ZNF675: variants seen among roughly 807,000 people sequenced by gnomAD.
The protein encoded by ZNF675 is zinc finger protein 675.
ZNF675 carries 36 observed loss-of-function variants against 56.1 expected under a neutral mutation model. The ratio of observed to expected loss-of-function variants is 0.64; its 90% CI spans 0.49 to 0.85. The LOEUF (loss-of-function observed/expected upper bound fraction) is 0.85. Among genes scored for constraint, ZNF675 ranks in the 40% least tolerant of loss-of-function variants. The pLI, the probability that ZNF675 is intolerant of heterozygous loss-of-function variation, is 0.00. For synonymous variants in ZNF675, 200 were observed against 218.9 expected (o/e 0.91, Z 0.76); for missense variants, 663 against 654.2 (o/e 1.01, Z -0.15).
rs763357575 is a variant in ZNF675 at position 23,654,468 on chromosome 19, T to A, written c.465A>T (p.Lys155Asn). Reference protein sequence around the residue: ...QCDKYVKVFNKFSHSDRHKIK... With the variant: ...QCDKYVKVFNNFSHSDRHKIK... Reference sequence around the variant, plus strand: ...TCTTATGTCTATCTGAATGTGAAAATTTATTAAAGACTTTCACATATTTAT... The same window carrying A: ...TCTTATGTCTATCTGAATGTGAAAAATTATTAAAGACTTTCACATATTTAT... The change falls in exon 4 of 4, where the codon AAA becomes AAT. Residue 155 changes from lysine to asparagine, a missense_variant. Lys to Asn is a moderately conservative substitution (Grantham distance 94, BLOSUM62 0). Around this residue, in one of 3 missense-constraint regions of ZNF675, gnomAD observed 617 missense variants for 590.5 expected, o/e 1.04. Transcript: ENST00000359788. The A allele has an allele frequency of 6.2e-7, 1 of 1,601,932 alleles. No homozygotes were observed. Among genetic ancestry groups the A allele is most frequent in the Non-Finnish European group, 8.5e-7 (1 of 1,175,582 alleles).
chr19:23,682,025 TC>T, intron 1 of ZNF675, among the ~76,000 whole-genome samples: 1 of 151,748 alleles, frequency 6.6e-6, no homozygotes, highest in Admixed American at 6.6e-5. Context: ...TGGTGCTCTC[TC>T]TTTTCTCACC....
intron 1 of ZNF675, among the ~76,000 whole-genome samples, chr19:23,677,333 G>A (rs1396361129): frequency 6.6e-6 from 1 of 151,682 alleles, no homozygotes; most frequent in Non-Finnish European, 1.5e-5. Flanking sequence ...CTTCAGCAAA[G>A]TTTCAGAATA....
At chr19:23,681,203 G>A (rs1168267199) in intron 1 of ZNF675, among the ~76,000 whole-genome samples, 2 of 151,778 alleles carry the variant, frequency 1.3e-5, no homozygotes, top group Admixed American at 1.3e-4. Context: ...GTCTGCAGGT[G>A]GGGATATTCC....
At chr19:23,659,984 A>G (rs1297329326) in intron 3 of ZNF675, among the ~76,000 whole-genome samples, 1 of 152,194 alleles carries the variant, frequency 6.6e-6, no homozygotes, top group African/African-American at 2.4e-5. Context: ...GTACTCGCTG[A>G]AAGCCATAGT....
intron 1 of ZNF675, among the ~76,000 whole-genome samples, chr19:23,669,251 C>T (rs1017053892): frequency 6.6e-6 from 1 of 152,198 alleles, no homozygotes; most frequent in Non-Finnish European, 1.5e-5. Context: ...ATTTTCTATC[C>T]TTTCTGGTTA....
At chr19:23,654,820 T>G (rs1376649001) in intron 3 of ZNF675, 114 bp from the exon 4 acceptor site, 5 of 840,002 alleles carry the variant, frequency 6.0e-6, no homozygotes, top group Non-Finnish European at 8.7e-6. Flanking sequence ...CAGGCCATAA[T>G]TAAGTGTATG....
At chr19:23,659,857 T>G (rs1348895333) in intron 3 of ZNF675, among the ~76,000 whole-genome samples, 1 of 150,928 alleles carries the variant, frequency 6.6e-6, no homozygotes, top group African/African-American at 2.4e-5. Flanking sequence ...AGGACCTTAG[T>G]CTTTACTGTG....
intron 3 of ZNF675, chr19:23,656,264 T>G (rs949719938): frequency 2.6e-5 from 4 of 152,188 alleles, no homozygotes; most frequent in Admixed American, 6.5e-5. Context: ...TTTTCAAAAA[T>G]GTCAATGCAA....
Position 23,653,173 on chromosome 19 carries a change from CA to C in ZNF675, c.*52del, listed in dbSNP as rs1173528626. 2 of 1,459,122 alleles carry C rather than the reference CA, an allele frequency of 1.4e-6. No individual in the cohort carries two copies. Among genetic ancestry groups the C allele is most frequent in the African/African-American group, 2.8e-5 (2 of 70,452 alleles). 90.4% of individuals were successfully genotyped at this position (1,459,122 alleles called of 1,614,324 possible). ...TCTTTACATTTCTAGAATTTTTCAC[CA>C]GTATGATTTCCTTTATATTTAGAAA... is the stretch of plus-strand genomic sequence containing the variant. On this transcript the variant is annotated 3_prime_UTR_variant, in exon 4 of 4. Coordinates refer to ENST00000359788, the MANE Select transcript of ZNF675 (RefSeq NM_138330.3).
chr19:23,660,529 A>G (rs1968061986), intron 3 of ZNF675, among the ~76,000 whole-genome samples: 1 of 152,210 alleles, frequency 6.6e-6, no homozygotes, highest in Non-Finnish European at 1.5e-5. Context: ...GAAAAATATA[A>G]AACTAACATA....
chr19:23,679,774 T>G (rs1468452706), intron 1 of ZNF675, among the ~76,000 whole-genome samples: 1 of 150,664 alleles, frequency 6.6e-6, no homozygotes, highest in Non-Finnish European at 1.5e-5. Flanking sequence ...GTGGATCACC[T>G]GAGATCAGGA....
intron 1 of ZNF675, among the ~76,000 whole-genome samples, chr19:23,675,610 A>G (rs1213034836): frequency 6.6e-6 from 1 of 151,786 alleles, no homozygotes; most frequent in African/African-American, 2.4e-5. Context: ...CTTTTGGGTA[A>G]ATAATAAAAT....
chr19:23,667,607 A>G (rs1281741113), intron 1 of ZNF675, among the ~76,000 whole-genome samples: 1 of 152,048 alleles, frequency 6.6e-6, no homozygotes, highest in African/African-American at 2.4e-5. Context: ...CGATTGGTGC[A>G]CTCACAAACC....
intron 1 of ZNF675, among the ~76,000 whole-genome samples, chr19:23,668,768 G>A (rs1412708645): frequency 6.6e-6 from 1 of 152,198 alleles, no homozygotes; most frequent in Admixed American, 6.5e-5. Context: ...CCGCTGGCCC[G>A]GGTGCTAAGT....
Position 23,662,978 on chromosome 19 carries a change from G to A in ZNF675, c.130+54C>T, listed in dbSNP as rs192566167. The A allele has an allele frequency of 7.5e-5, 107 of 1,424,376 alleles. No homozygotes were observed. In the East Asian group the frequency reaches 1.4e-3, roughly 19 times the overall value. The allele number at this position is 1,424,376 out of a possible 1,614,324, so 88.2% of individuals were successfully genotyped here. On this transcript the variant is annotated intron_variant, in intron 2 of 3. Coordinates refer to ENST00000359788, the MANE Select transcript of ZNF675 (RefSeq NM_138330.3). ...TAGCCTGGTGACAGAGCCAGACTCC[G>A]TCTCAAAAGAAAAACAAAAAAAAAA...
intron 1 of ZNF675, among the ~76,000 whole-genome samples, chr19:23,684,970 T>C (rs1968424515): frequency 6.7e-6 from 1 of 149,554 alleles, no homozygotes; most frequent in Admixed American, 6.8e-5. Context: ...AAATGGAAGC[T>C]GGGTTGAGTA....
intron 1 of ZNF675, among the ~76,000 whole-genome samples, chr19:23,677,675 C>T (rs1387204501): frequency 6.8e-6 from 1 of 146,746 alleles, no homozygotes; most frequent in Non-Finnish European, 1.5e-5. Context: ...CACTTGCACT[C>T]CAGCCTGGGC....
At chr19:23,683,571 G>A (rs571292488) in intron 1 of ZNF675, among the ~76,000 whole-genome samples, 1 of 152,150 alleles carries the variant, frequency 6.6e-6, no homozygotes, top group South Asian at 2.1e-4. Context: ...ACAGGCACGT[G>A]CCACCATGCC....
intron 1 of ZNF675, among the ~76,000 whole-genome samples, chr19:23,669,750 G>A (rs938393528): frequency 1.9e-4 from 29 of 151,966 alleles, no homozygotes; most frequent in Admixed American, 1.3e-4. Context: ...CTACTCAGGA[G>A]GCTGAGGCAG....
Sources: gnomAD v4.1 joint callset for allele counts (sites outside exome capture counted in the v4.1 genomes callset) on GRCh38, gnomAD v4.1.1 for gene constraint, gnomAD v4.1.1 regional missense constraint, MANE v1.5 for transcripts, NCBI Gene and HGNC (gene_info 2026-07-23, HGNC 2026-07-21) for gene names.